SDAD1: variants seen among roughly 807,000 people sequenced by gnomAD.
The protein encoded by SDAD1 is SDA1 domain containing 1, also known as protein SDA1 homolog.
A neutral mutation model predicts 100.3 loss-of-function variants in SDAD1; 79 were observed. The ratio of observed to expected loss-of-function variants is 0.79; its 90% CI spans 0.66 to 0.95. SDAD1 has a LOEUF of 0.95. Ranked by LOEUF, SDAD1 falls within the 40% of genes least tolerant of loss-of-function variation. The pLI, the probability that SDAD1 is intolerant of heterozygous loss-of-function variation, is 0.00. For synonymous variants in SDAD1, 267 were observed against 271.4 expected (o/e 0.98, Z 0.16); for missense variants, 790 against 810.9 (o/e 0.97, Z 0.31).
intron 14 of SDAD1, among the ~76,000 whole-genome samples, chr4:75,961,634 C>A (rs1172029236): frequency 6.6e-6 from 1 of 152,168 alleles, no homozygotes; most frequent in African/African-American, 2.4e-5. Flanking sequence ...TATTATCCTG[C>A]AATATTTTCC....
chr4:75,990,256 G>C (rs1731162425), intron 1 of SDAD1, among the ~76,000 whole-genome samples: 1 of 140,594 alleles, frequency 7.1e-6, no homozygotes, highest in Non-Finnish European at 1.5e-5. Context: ...TCCCGAGTCT[G>C]TCCGTTGTGC....
At position 75,961,082 on chromosome 4, in the gene SDAD1, A is replaced by G. The variant is rs780169264; in HGVS notation, c.1302T>C (p.Thr434=). The stretch of plus-strand genomic sequence containing the variant: ...TCAGTGTTCGGAAGAGGTGAATCAA[A>G]GTTCTAGCAGACATCATTACATCTG... The part of the protein sequence containing the change: ...KDKNVMMSAR[T]LIHLFRTLNP... Residue 434 remains threonine, a synonymous_variant, in exon 16 of 22, where the codon ACT becomes ACC. Coordinates refer to ENST00000356260, the MANE Select transcript of SDAD1 (RefSeq NM_018115.4). 1 of 1,614,148 alleles carries G rather than the reference A, an allele frequency of 6.2e-7. No individual in the cohort carries two copies. Among genetic ancestry groups the G allele is most frequent in the Admixed American group, 1.7e-5 (1 of 60,032 alleles).
intron 1 of SDAD1, among the ~76,000 whole-genome samples, chr4:75,984,340 T>C (rs779217845): frequency 1.3e-5 from 2 of 152,066 alleles, no homozygotes; most frequent in Non-Finnish European, 2.9e-5. Flanking sequence ...TTTTCATTTT[T>C]ATTTTTTGTA....
intron 21 of SDAD1, among the ~76,000 whole-genome samples, chr4:75,954,335 T>A (rs1385393551): frequency 6.6e-6 from 1 of 150,508 alleles, no homozygotes; most frequent in African/African-American, 2.5e-5. Flanking sequence ...TGAGCTGAGA[T>A]TGCGCCACTG....
intron 10 of SDAD1, among the ~76,000 whole-genome samples, chr4:75,969,994 T>C (rs946880302): frequency 2.0e-5 from 3 of 152,058 alleles, no homozygotes; most frequent in African/African-American, 7.2e-5. Flanking sequence ...CTAGGTTTTT[T>C]TTTTTTTTTT....
chr4:75,952,782 T>A (rs145535958), intron 21 of SDAD1, among the ~76,000 whole-genome samples: 4 of 152,360 alleles, frequency 2.6e-5, no homozygotes, highest in Non-Finnish European at 5.9e-5. Flanking sequence ...TGAGATGTGC[T>A]GCAGTGTTAA....
At chr4:75,963,816 T>C (rs541255613) in intron 14 of SDAD1, among the ~76,000 whole-genome samples, 7 of 152,286 alleles carry the variant, frequency 4.6e-5, no homozygotes, top group Admixed American at 1.3e-4. Flanking sequence ...AGCCAAATAT[T>C]TATTTTATTA....
intron 11 of SDAD1, among the ~76,000 whole-genome samples, chr4:75,968,203 T>C (rs1303925903): frequency 3.3e-5 from 5 of 152,110 alleles, no homozygotes; most frequent in Admixed American, 3.3e-4. Context: ...CTGAATGAAA[T>C]TGCTGCACAA....
chr4:75,964,017 AT>A, intron 14 of SDAD1, 117 bp downstream of exon 14: 1 of 684,406 alleles, frequency 1.5e-6, no homozygotes, highest in Non-Finnish European at 2.5e-6. Context: ...ACTGAAATAT[AT>A]TTTAAACCAA....
chr4:75,979,224 A>C (rs1390073155), intron 3 of SDAD1, among the ~76,000 whole-genome samples: 1 of 152,012 alleles, frequency 6.6e-6, no homozygotes, highest in African/African-American at 2.4e-5. Context: ...TCTTCCAAAA[A>C]AAATACAATG....
chr4:75,966,579 T>C (rs1328316159), intron 12 of SDAD1, among the ~76,000 whole-genome samples: 1 of 152,226 alleles, frequency 6.6e-6, no homozygotes, highest in Admixed American at 6.5e-5. Context: ...AGAACAATCA[T>C]CTCTTCTTTC....
At chr4:75,953,022 C>G (rs569974276) in intron 21 of SDAD1, among the ~76,000 whole-genome samples, 3 of 152,108 alleles carry the variant, frequency 2.0e-5, no homozygotes, top group East Asian at 3.9e-4. Context: ...CAGAGAAAAT[C>G]AGGAACTTAA....
At chr4:75,982,289 T>C (rs1357705199) in intron 1 of SDAD1, among the ~76,000 whole-genome samples, 2 of 152,204 alleles carry the variant, frequency 1.3e-5, no homozygotes, top group African/African-American at 2.4e-5. Flanking sequence ...GGCAGCATGG[T>C]GTAAGAACAG....
intron 4 of SDAD1, 53 bp from the exon 5 acceptor site, chr4:75,976,048 C>T (rs777497530): frequency 8.5e-6 from 10 of 1,176,896 alleles, no homozygotes; most frequent in Non-Finnish European, 1.1e-5. Flanking sequence ...CATTTTTAAC[C>T]TTGCTAAATT....
intron 13 of SDAD1, 74 bp from the exon 14 acceptor site, chr4:75,964,285 AATAGATTATTC>A (rs1172767912): frequency 4.0e-6 from 4 of 1,002,422 alleles, no homozygotes; most frequent in Non-Finnish European, 6.2e-6. Context: ...ATGAAAGGAC[AATAGATTATTC>A]ATAGTGGAAA....
intron 1 of SDAD1, among the ~76,000 whole-genome samples, chr4:75,984,523 G>A (rs572286068): frequency 5.9e-4 from 90 of 152,038 alleles, no homozygotes; most frequent in African/African-American, 2.1e-3. Context: ...AGAGCTCTAG[G>A]CAGGATGTGT....
intron 4 of SDAD1, 29 bp downstream of exon 4, chr4:75,977,617 T>C: frequency 7.5e-7 from 1 of 1,331,358 alleles, no homozygotes; most frequent in Non-Finnish European, 1.1e-6. Context: ...TCAAGGAAGA[T>C]GCAGGGAAAT....
Position 75,971,431 on chromosome 4 carries a change from G to C in SDAD1, c.739C>G (p.Leu247Val), listed in dbSNP as rs1397937646. The C allele has an allele frequency of 1.2e-6, 2 of 1,613,650 alleles. No individual in the cohort carries two copies. Among genetic ancestry groups the C allele is most frequent in the Non-Finnish European group, 1.7e-6 (2 of 1,179,784 alleles). The part of the protein sequence containing the change: ...EDDGPTARDL[L>V]VQYATGKKSS... The stretch of plus-strand genomic sequence containing the variant: ...TTCTTCCCTGTAGCATATTGTACTA[G>C]CAGGTCTCTTGCTGTTGGTCCATCA... The change falls in exon 9 of 22, where the codon CTA becomes GTA. Residue 247 changes from leucine to valine, a missense_variant. Leu to Val is a conservative substitution (Grantham distance 32). Coordinates refer to ENST00000356260, the MANE Select transcript of SDAD1 (RefSeq NM_018115.4).
chr4:75,989,821 G>T lies in SDAD1; in HGVS notation c.90+931C>A, dbSNP rs145018216. On this transcript the variant is annotated intron_variant, in intron 1 of 21. Transcript: ENST00000356260. ...CTCTACTGGTGACCTAAGCCACTGA[G>T]ATTGCCATGTGTTAAAAAGCACTCA... is the stretch of plus-strand genomic sequence containing the variant. 6.5e-3 allele frequency among the ~76,000 whole-genome samples: 989 copies of T among 152,308 alleles called. 10 individuals carry two copies. The highest frequency in any genetic ancestry group is 0.011 in the Non-Finnish European group (760 of 68,028).
Sources: allele counts gnomAD v4.1 joint callset (sites outside exome capture counted in the v4.1 genomes callset), GRCh38; gene constraint gnomAD v4.1.1; transcripts MANE v1.5; gene names NCBI Gene and HGNC (gene_info 2026-07-23, HGNC 2026-07-21).